SPATA17: variants seen among roughly 807,000 people sequenced by gnomAD.
The protein encoded by SPATA17 is spermatogenesis-associated protein 17.
In SPATA17, 53 loss-of-function variants were observed where a neutral mutation model predicts 62.2. The ratio of observed to expected loss-of-function variants is 0.85; its 90% CI spans 0.68 to 1.07. The LOEUF is 1.07. Among genes scored for constraint, SPATA17 ranks in the 50% least tolerant of loss-of-function variants. SPATA17 has a pLI of 0.00. For synonymous variants in SPATA17, 146 were observed against 146.8 expected (o/e 0.99, Z 0.04); for missense variants, 466 against 425.5 (o/e 1.10, Z -0.84).
At chr1:217,698,520 CT>C (rs372902007) in intron 5 of SPATA17, among the ~76,000 whole-genome samples, 5 of 150,928 alleles carry the variant, frequency 3.3e-5, no homozygotes, top group African/African-American at 9.7e-5. Context: ...ATTTTCTTTC[CT>C]TTTAAAAAAA....
At position 217,801,851 on chromosome 1, in the gene SPATA17, G is replaced by C. The variant is rs772793822; in HGVS notation, c.1005+1G>C. 6.3e-7 allele frequency: 1 copy of C among 1,597,332 alleles called. No homozygotes were observed. Among genetic ancestry groups the C allele is most frequent in the Non-Finnish European group, 8.5e-7 (1 of 1,175,544 alleles). On this transcript the variant is annotated splice_donor_variant, in intron 9 of 10. Coordinates refer to ENST00000366933, the MANE Select transcript of SPATA17 (RefSeq NM_138796.4). LOFTEE classifies it high-confidence loss of function. ...TCCTAAGAAATGGATCTGTGACAAGGTGAGTTAACAAAACATTTTAAAAAG... is the reference window on the plus strand; with the variant it reads ...TCCTAAGAAATGGATCTGTGACAAGCTGAGTTAACAAAACATTTTAAAAAG...
In SPATA17 at chr1:217,782,307, A is replaced by G; in HGVS notation, c.857A>G (p.Asn286Ser). Residue 286 changes from asparagine (N) to serine (S), a missense_variant, in exon 8 of 11, where the codon AAT becomes AGT. Physicochemically the swap from Asn to Ser is conservative, Grantham distance 46 (BLOSUM62 1). Transcript: ENST00000366933. ...EELRREEWLQ[N>S]VNDNMFLPFS... Reference sequence around the variant, plus strand: ...CTCAGAAGAGAGGAATGGCTGCAAAATGTAAATGACAATATGTGAGTTCTT... The same window carrying G: ...CTCAGAAGAGAGGAATGGCTGCAAAGTGTAAATGACAATATGTGAGTTCTT... The G allele has an allele frequency of 6.2e-7, 1 of 1,609,722 alleles. No homozygotes were observed. Among genetic ancestry groups the G allele is most frequent in the Non-Finnish European group, 8.5e-7 (1 of 1,178,256 alleles).
At chr1:217,661,689 G>A (rs1670573790) in intron 3 of SPATA17, among the ~76,000 whole-genome samples, 1 of 151,956 alleles carries the variant, frequency 6.6e-6, no homozygotes, top group African/African-American at 2.4e-5. Context: ...GCCTATCTTA[G>A]GGGTACAGAA....
At position 217,683,276 on chromosome 1, in the gene SPATA17, G is replaced by A. The variant is rs1185767405; in HGVS notation, c.310G>A (p.Gly104Ser). ...TTAATAGATTCAGAGACGATGGCGA[G>A]GCTATAGGGTTCGGAAGTACCTCTT... ...MAVRIQRRWR[G>S]YRVRKYLFNY... is the part of the protein sequence containing the mutation. Residue 104 changes from glycine to serine, a missense_variant, in exon 5 of 11, where the codon GGC (glycine) becomes AGC (serine). By Grantham distance (56) the Gly-to-Ser change is moderately conservative (BLOSUM62 0). Coordinates refer to ENST00000366933, the MANE Select transcript of SPATA17 (RefSeq NM_138796.4). The A allele has an allele frequency of 6.2e-7, 1 of 1,606,986 alleles. No homozygotes were observed. The highest frequency in any genetic ancestry group is 8.5e-7 in the Non-Finnish European group (1 of 1,176,432).
intron 6 of SPATA17, among the ~76,000 whole-genome samples, chr1:217,752,873 T>TG (rs1468044113): frequency 2.0e-5 from 3 of 152,160 alleles, no homozygotes; most frequent in African/African-American, 7.2e-5. Flanking sequence ...ATCTACACGG[T>TG]GGGTGGTAGG....
chr1:217,662,067 G>C (rs990624992), intron 3 of SPATA17, among the ~76,000 whole-genome samples: 13 of 152,132 alleles, frequency 8.5e-5, no homozygotes, highest in Non-Finnish European at 1.8e-4. Context: ...CTAACAATTT[G>C]AGAGTTCCCT....
At chr1:217,824,282 T>C (rs1674935643) in intron 9 of SPATA17, among the ~76,000 whole-genome samples, 1 of 152,002 alleles carries the variant, frequency 6.6e-6, no homozygotes, top group Non-Finnish European at 1.5e-5. Flanking sequence ...TTTTGTTGAA[T>C]TTTTAGTATT....
At chr1:217,688,388 TTAAG>T (rs1671271859) in intron 5 of SPATA17, among the ~76,000 whole-genome samples, 1 of 152,226 alleles carries the variant, frequency 6.6e-6, no homozygotes, top group South Asian at 2.1e-4. Flanking sequence ...GGACTCTTAA[TTAAG>T]TGAGAACATT....
chr1:217,637,967 C>A (rs970797298), intron 1 of SPATA17, among the ~76,000 whole-genome samples: 1 of 151,960 alleles, frequency 6.6e-6, no homozygotes, highest in Non-Finnish European at 1.5e-5. Context: ...GATAATAATG[C>A]CTATTGATAT....
chr1:217,645,662 T>C (rs1670164436), intron 1 of SPATA17, among the ~76,000 whole-genome samples: 2 of 152,212 alleles, frequency 1.3e-5, no homozygotes, highest in African/African-American at 4.8e-5. Flanking sequence ...GAAATTATTC[T>C]TATTTTTTCC....
At chr1:217,819,364 T>C (rs1425384416) in intron 9 of SPATA17, among the ~76,000 whole-genome samples, 1 of 151,896 alleles carries the variant, frequency 6.6e-6, no homozygotes, top group Non-Finnish European at 1.5e-5. Context: ...TCCTGCAGGA[T>C]CCTTTTTTTT....
intron 5 of SPATA17, among the ~76,000 whole-genome samples, chr1:217,730,023 T>C (rs1462426821): frequency 6.6e-6 from 1 of 152,114 alleles, no homozygotes; most frequent in East Asian, 1.9e-4. Flanking sequence ...AAGGAAAATA[T>C]AGATATGATG....
In SPATA17 at chr1:217,673,047, T is replaced by C. The variant is rs6660529; in HGVS notation, c.291+3964T>C. ...AAAAAAAGTCCTTTACTTTAACACGTTTTTTCTAAGTTTCAAAGTGTGTTT... is the reference window on the plus strand; with the variant it reads ...AAAAAAAGTCCTTTACTTTAACACGCTTTTTCTAAGTTTCAAAGTGTGTTT... On this transcript the variant is annotated intron_variant, in intron 4 of 10. Coordinates refer to ENST00000366933, the MANE Select transcript of SPATA17 (RefSeq NM_138796.4). Among the ~76,000 whole-genome samples, 372 of 152,228 alleles carry C rather than the reference T, an allele frequency of 2.4e-3. 3 individuals are homozygous for C. The highest frequency in any genetic ancestry group is 8.3e-3 in the African/African-American group (345 of 41,522).
chr1:217,796,986 G>A (rs1199391727), intron 8 of SPATA17, among the ~76,000 whole-genome samples: 10 of 152,186 alleles, frequency 6.6e-5, no homozygotes, highest in African/African-American at 2.4e-4. Context: ...CCATAACATG[G>A]TTTGTTTTTC....
chr1:217,858,889 G>C (rs11811430), intron 9 of SPATA17, among the ~76,000 whole-genome samples: 1 of 151,898 alleles, frequency 6.6e-6, no homozygotes, highest in African/African-American at 2.4e-5. Context: ...TTAGCCAGGC[G>C]TGGTGATGTG....
intron 3 of SPATA17, among the ~76,000 whole-genome samples, chr1:217,668,229 G>T (rs1392024195): frequency 6.6e-6 from 1 of 152,106 alleles, no homozygotes; most frequent in Non-Finnish European, 1.5e-5. Flanking sequence ...GTACTGTCAT[G>T]AATTATATTA....
intron 5 of SPATA17, among the ~76,000 whole-genome samples, chr1:217,687,767 C>A (rs1671250806): frequency 6.6e-6 from 1 of 152,112 alleles, no homozygotes; most frequent in Non-Finnish European, 1.5e-5. Flanking sequence ...AGTTAAGCAA[C>A]CCATGACTGT....
rs528584116 is a variant in SPATA17, at chr1:217,860,618, C to G, written c.1006-2156C>G. Reference sequence around the variant, plus strand: ...GCTCCTCTTTATTCCTAATAATTTTCCTTATTCTGAAATCTATTTTGTCTG... The same window carrying G: ...GCTCCTCTTTATTCCTAATAATTTTGCTTATTCTGAAATCTATTTTGTCTG... On this transcript the variant is annotated intron_variant, in intron 9 of 10. Transcript: ENST00000366933. Among the ~76,000 whole-genome samples the G allele has an allele frequency of 3.9e-5, 6 of 152,188 alleles. No individual in the cohort carries two copies. The South Asian group carries it at 1.2e-3, about 32-fold the overall frequency.
intron 5 of SPATA17, among the ~76,000 whole-genome samples, chr1:217,737,676 G>C (rs527418078): frequency 6.6e-6 from 1 of 152,156 alleles, no homozygotes; most frequent in Admixed American, 6.5e-5. Context: ...ATATAGTTAT[G>C]AACAGTCAGC....
Sources: gnomAD v4.1 joint callset for allele counts (sites outside exome capture counted in the v4.1 genomes callset) on GRCh38, gnomAD v4.1.1 for gene constraint, MANE v1.5 for transcripts, NCBI Gene and HGNC (gene_info 2026-07-23, HGNC 2026-07-21) for gene names.